The following CFAP221 variants were observed in gnomAD, a reference collection of about 807,000 sequenced individuals.
The protein encoded by CFAP221 is cilia- and flagella-associated protein 221.
A neutral mutation model predicts 113.1 loss-of-function variants in CFAP221; 97 were observed. The ratio of observed to expected loss-of-function variants is 0.86; its 90% confidence interval spans 0.73 to 1.02. The LOEUF (loss-of-function observed/expected upper bound fraction) is 1.02. Ranked by LOEUF, CFAP221 falls within the 50% of genes least tolerant of loss-of-function variation. CFAP221 has a pLI of 0.00. For synonymous variants in CFAP221, 331 were observed against 354.4 expected, an observed-to-expected ratio of 0.93 and a Z score of 0.74; for missense variants, 1,025 against 1,013.4, an observed-to-expected ratio of 1.01 and a Z score of -0.16.
At position 119,647,061 on chromosome 2, in the gene CFAP221, T is replaced by A; in HGVS notation, c.2318+11T>A. On this transcript the variant is annotated intron_variant, in intron 22 of 23. Transcript: ENST00000413369. ...AGAAACAGTAGAACGGTATTTTTTTTTTTTTTAATCTTTGGCCTCTAATGT... is the reference window on the plus strand; with the variant it reads ...AGAAACAGTAGAACGGTATTTTTTTATTTTTTAATCTTTGGCCTCTAATGT... 1 of 1,601,096 alleles carries A rather than the reference T, an allele frequency of 6.2e-7. No homozygotes were observed.
intron 7 of CFAP221, among the ~76,000 whole-genome samples, chr2:119,587,742 C>T (rs761177212): frequency 6.6e-6 from 1 of 152,060 alleles, no homozygotes; most frequent in Non-Finnish European, 1.5e-5. Context: ...AAGTATCTGT[C>T]CACAGTGGTC....
In CFAP221 at chr2:119,615,567, G is replaced by A. The variant is rs769774441; in HGVS notation, c.1312-44G>A. 10 of 1,389,992 alleles carry A rather than the reference G, an allele frequency of 7.2e-6. No individual in the cohort carries two copies. In the South Asian group the frequency reaches 1.0e-4, roughly 14 times the overall value. The allele number at this position is 1,389,992 out of a possible 1,614,324, so 86.1% of individuals were successfully genotyped here. ...TTTTTATTAGATGTTTATGACAGGAGTTAAAATTTAAATGTAAGATGTGCC... is the reference window on the plus strand; with the variant it reads ...TTTTTATTAGATGTTTATGACAGGAATTAAAATTTAAATGTAAGATGTGCC... On this transcript the variant is annotated intron_variant, in intron 13 of 23. Transcript: ENST00000413369.
chr2:119,625,606 C>CAATATGCTGAGTGCTGTTCGTGA lies in CFAP221; in HGVS notation c.1438_1460dup (p.Met487IlefsTer3), dbSNP rs773160829. 3 of 1,613,326 alleles carry CAATATGCTGAGTGCTGTTCGTGA rather than the reference C, an allele frequency of 1.9e-6. No individual in the cohort carries two copies. Among genetic ancestry groups the CAATATGCTGAGTGCTGTTCGTGA allele is most frequent in the Non-Finnish European group, 2.5e-6 (3 of 1,179,396 alleles). ...AGGTCATGATTCAGGGACGATTATT[C>CAATATGCTGAGTGCTGTTCGTGA]AATATGCTGAGTGCTGTTCGTGAAA... On this transcript the variant is annotated frameshift_variant, in exon 15 of 24. Coordinates refer to ENST00000413369, the MANE Select transcript of CFAP221 (RefSeq NM_001271049.2). LOFTEE classifies it high-confidence loss of function.
intron 6 of CFAP221, chr2:119,572,612 G>T (rs1484224591): frequency 1.4e-6 from 1 of 696,536 alleles, no homozygotes; most frequent in Admixed American, 2.0e-5. Flanking sequence ...TTGACCAGTT[G>T]CTCTCCCATC....
intron 23 of CFAP221, among the ~76,000 whole-genome samples, chr2:119,654,652 A>G (rs1688324502): frequency 6.6e-6 from 1 of 152,200 alleles, no homozygotes; most frequent in South Asian, 2.1e-4. Flanking sequence ...TTACAGAAAA[A>G]CAAACTAACA....
At chr2:119,646,487 A>AACTC (rs1040723213) in intron 21 of CFAP221, among the ~76,000 whole-genome samples, 16 of 152,204 alleles carry the variant, frequency 1.1e-4, no homozygotes, top group African/African-American at 3.6e-4. Context: ...ATCTCAAGAT[A>AACTC]ACTCACTCAC....
intron 20 of CFAP221, among the ~76,000 whole-genome samples, chr2:119,639,057 C>A (rs959223545): frequency 2.0e-5 from 3 of 152,160 alleles, no homozygotes; most frequent in African/African-American, 4.8e-5. Context: ...CCCCCATTCC[C>A]CTCATCTAAC....
At chr2:119,630,073 C>A in intron 17 of CFAP221, 118 bp downstream of exon 17, 1 of 838,604 alleles carries the variant, frequency 1.2e-6, no homozygotes, top group Non-Finnish European at 1.8e-6. Context: ...CTGTGTGGCA[C>A]ACTCTACTGT....
chr2:119,608,503 C>G lies in CFAP221; in HGVS notation c.1135C>G (p.Gln379Glu). 6.3e-7 allele frequency: 1 copy of G among 1,593,042 alleles called. No homozygotes were observed. Residue 379 changes from glutamine to glutamate, a missense_variant and splice_region_variant, in exon 12 of 24, where the codon CAG becomes GAG. Coordinates refer to ENST00000413369, the MANE Select transcript of CFAP221 (RefSeq NM_001271049.2). ...ACAGTTTTTTTTTTTTCTCCCCAGG[C>G]AGGTGCACCTTGGTAAAGATCCTAT... ...HEEMENHLKW[Q>E]VHLGKDPMSF...
chr2:119,638,028 A>G (rs1687220128), intron 19 of CFAP221: 2 of 349,780 alleles, frequency 5.7e-6, no homozygotes, highest in East Asian at 4.3e-5. Context: ...TATGGTTTGT[A>G]ATGAAGCTCT....
chr2:119,605,532 C>T (rs1684677463), intron 11 of CFAP221, among the ~76,000 whole-genome samples: 1 of 152,148 alleles, frequency 6.6e-6, no homozygotes. Context: ...GGGAGATGCT[C>T]CCTGCTGCTG....
intron 19 of CFAP221, among the ~76,000 whole-genome samples, chr2:119,632,495 A>G (rs192561921): frequency 1.9e-4 from 29 of 152,280 alleles, no homozygotes; most frequent in Admixed American, 7.8e-4. Flanking sequence ...TCAACCAAAT[A>G]ATGGTCATCT....
chr2:119,619,677 C>T (rs1034681789), intron 14 of CFAP221, among the ~76,000 whole-genome samples: 1 of 152,156 alleles, frequency 6.6e-6, no homozygotes, highest in African/African-American at 2.4e-5. Context: ...CAGAATACCT[C>T]CTCTCCTCCA....
intron 8 of CFAP221, among the ~76,000 whole-genome samples, chr2:119,603,615 G>A (rs1227370067): frequency 5.3e-5 from 8 of 152,082 alleles, no homozygotes; most frequent in Admixed American, 5.2e-4. Flanking sequence ...TTTTTGTACT[G>A]TCATGGAAAA....
At position 119,549,180 on chromosome 2, in the gene CFAP221, A is replaced by C; in HGVS notation, c.235A>C (p.Ile79Leu). 6.5e-7 allele frequency: 1 copy of C among 1,528,368 alleles called. No individual in the cohort carries two copies. Among genetic ancestry groups the C allele is most frequent in the East Asian group, 2.5e-5 (1 of 40,798 alleles). The allele number at this position is 1,528,368 out of a possible 1,614,324, so 94.7% of individuals were successfully genotyped here. A position where few individuals can be genotyped will look rare whatever the true frequency, so the allele number is the denominator to read the frequency against. Residue 79 changes from isoleucine (I) to leucine (L), a missense_variant, in exon 3 of 24, where the codon ATT (isoleucine) becomes CTT (leucine). By Grantham distance (5) the Ile-to-Leu change is conservative. Coordinates refer to ENST00000413369, the MANE Select transcript of CFAP221 (RefSeq NM_001271049.2). ...GYQVEKQHQQ[I>L]LHLVNVSNED... is the part of the protein sequence containing the mutation. ...TCAAGTAGAAAAACAACACCAACAG[A>C]TTCTGGTAGGTACTTTTTAAATGGG...
intron 6 of CFAP221, chr2:119,572,659 T>C (rs938711079): frequency 3.3e-5 from 22 of 673,788 alleles, no homozygotes; most frequent in African/African-American, 1.9e-4. Context: ...CTTTAACCAA[T>C]TGGTTAGCGT....
intron 5 of CFAP221, 37 bp from the exon 6 acceptor site, chr2:119,561,977 C>T: frequency 7.3e-7 from 1 of 1,360,632 alleles, no homozygotes; most frequent in Non-Finnish European, 1.0e-6. Flanking sequence ...TTGTAGTCTT[C>T]AGAATGTTAA....
At position 119,646,448 on chromosome 2, in the gene CFAP221, G is replaced by C. The variant is rs145630447; in HGVS notation, c.2226-510G>C. Among the ~76,000 whole-genome samples the C allele has an allele frequency of 4.7e-3, 716 of 152,212 alleles. 6 individuals carry two copies. The highest frequency in any genetic ancestry group is 0.017 in the African/African-American group (688 of 41,514). ...GCCAGAGCAGGAGGAAGAGTGACGA[G>C]GAGGTGCCACACACTTTTAAACAAC... On this transcript the variant is annotated intron_variant, in intron 21 of 23. Coordinates refer to ENST00000413369, the MANE Select transcript of CFAP221 (RefSeq NM_001271049.2).
intron 7 of CFAP221, among the ~76,000 whole-genome samples, chr2:119,591,745 AT>A (rs1334773247): frequency 1.3e-5 from 2 of 152,184 alleles, no homozygotes; most frequent in African/African-American, 2.4e-5. Flanking sequence ...AAGAAGTCAG[AT>A]GGTTTGGCTC....
Sources: gnomAD v4.1 joint callset for allele counts (sites outside exome capture counted in the v4.1 genomes callset) on GRCh38, gnomAD v4.1.1 for gene constraint, MANE v1.5 for transcripts, NCBI Gene and HGNC (gene_info 2026-07-23, HGNC 2026-07-21) for gene names.